PPM1N: variants seen among roughly 807,000 people sequenced by gnomAD.
PPM1N encodes protein phosphatase, Mg2+/Mn2+ dependent 1N (putative), also known as probable protein phosphatase 1N.
A neutral mutation model predicts 32.6 loss-of-function variants in PPM1N; 35 were observed. The observed-to-expected ratio is 1.07, with a 90% CI of 0.82 to 1.43. The LOEUF is 1.43. Among genes scored for constraint, PPM1N ranks in the 40% most tolerant of loss-of-function variants. PPM1N has a pLI of 0.00. For missense variants in PPM1N, 648 were observed against 606.6 expected (o/e 1.07, Z -0.72); for synonymous variants, 275 against 270.5 (o/e 1.02, Z -0.16).
At position 45,502,035 on chromosome 19, in the gene PPM1N, G is replaced by C; in HGVS notation, c.1243G>C (p.Gly415Arg). ...GTTACAGAAGGGGCAGGATGGGGCT[G>C]GGAAGTCCAACCCCACGCATTTGGG... Reference protein sequence around the residue: ...ECGEKGQDGAGKSNPTHLGSA... With the variant: ...ECGEKGQDGARKSNPTHLGSA... Residue 415 changes from glycine to arginine, a missense_variant, in exon 5 of 5, where the codon GGG (glycine) becomes CGG (arginine). Physicochemically the swap from Gly to Arg is moderately radical, Grantham distance 125 (BLOSUM62 -2). Coordinates refer to ENST00000451287, the MANE Select transcript of PPM1N (RefSeq NM_001080401.2). 6.5e-7 allele frequency: 1 copy of C among 1,535,056 alleles called. No homozygotes were observed. Among genetic ancestry groups the C allele is most frequent in the Non-Finnish European group, 8.7e-7 (1 of 1,149,304 alleles).
Position 45,498,949 on chromosome 19 carries a change from A to G in PPM1N, c.477A>G (p.Glu159=). Residue 159 remains glutamate, a synonymous_variant, in exon 1 of 5, where the codon GAA becomes GAG. Coordinates refer to ENST00000451287, the MANE Select transcript of PPM1N (RefSeq NM_001080401.2). ...TGCGCTCCCTCTGGCCCCGCGTGGA[A>G]ACGGGCGGCTGCACGGCCGTGGTGT... ...ERLRSLWPRV[E]TGGCTAVVLL... The G allele has an allele frequency of 6.4e-7, 1 of 1,553,542 alleles. No homozygotes were observed. Among genetic ancestry groups the G allele is most frequent in the Non-Finnish European group, 8.6e-7 (1 of 1,158,980 alleles).
Position 45,502,024 on chromosome 19 carries a change from A to T in PPM1N, c.1232A>T (p.Gln411Leu). ...CCACATTTTGTGTTACAGAAGGGGC[A>T]GGATGGGGCTGGGAAGTCCAACCCC... The part of the protein sequence containing the change: ...QVSEECGEKG[Q>L]DGAGKSNPTH... The change falls in exon 5 of 5, where the codon CAG becomes CTG. Residue 411 changes from glutamine to leucine, a missense_variant. By Grantham distance (113) the Gln-to-Leu change is moderately radical. Transcript: ENST00000451287. 6.6e-7 allele frequency: 1 copy of T among 1,516,196 alleles called. No individual in the cohort carries two copies. 93.9% of individuals were successfully genotyped at this position (1,516,196 alleles called of 1,614,324 possible).
rs371589147 is a variant in PPM1N at position 45,499,006 on chromosome 19, G to A, written c.534G>A (p.Ala178=). The change falls in exon 1 of 5, where the codon GCG becomes GCA. Residue 178 remains alanine (A), a synonymous_variant. Coordinates refer to ENST00000451287, the MANE Select transcript of PPM1N (RefSeq NM_001080401.2). ...TCTCCCCGCGGTTTCTGTACCTGGC[G>A]CACTGCGGTGACTCCCGCGCGGTGC... is the stretch of plus-strand genomic sequence containing the variant. ...LLVSPRFLYL[A]HCGDSRAVLS... 1.1e-4 allele frequency: 171 copies of A among 1,561,920 alleles called. No homozygotes were observed. The African/African-American group carries it at 2.1e-3, about 19-fold the overall frequency.
chr19:45,499,146 GCT>G lies in PPM1N; in HGVS notation c.679_680del (p.Leu227GlyfsTer38), dbSNP rs1189097329. On this transcript the variant is annotated frameshift_variant, in exon 1 of 5. Coordinates refer to ENST00000451287, the MANE Select transcript of PPM1N (RefSeq NM_001080401.2). LOFTEE classifies it high-confidence loss of function. ...ACCATCCGCCGCCGCCGCGTCGAGG[GCT>G]CTCTGGCCGTGTCGCGAGCGTTGGG... is the stretch of plus-strand genomic sequence containing the variant. 1 of 1,522,178 alleles carries G rather than the reference GCT, an allele frequency of 6.6e-7. No individual in the cohort carries two copies. Among genetic ancestry groups the G allele is most frequent in the African/African-American group, 1.4e-5 (1 of 72,046 alleles). 94.3% of individuals were successfully genotyped at this position (1,522,178 alleles called of 1,614,324 possible).
chr19:45,500,823 T>G, intron 4 of PPM1N, 113 bp downstream of exon 4: 1 of 744,186 alleles, frequency 1.3e-6, no homozygotes, highest in South Asian at 1.7e-5. Context: ...GCCTGATATA[T>G]TTTATTCCTC....
At position 45,499,229 on chromosome 19, in the gene PPM1N, G is replaced by A; in HGVS notation, c.757G>A (p.Ala253Thr). ...GCCCCCCGAGCTACAGCTCGTTTCT[G>A]CGGAGCCAGAGGTGGCCGCACTGGC... ...GRPPELQLVS[A>T]EPEVAALARQ... The change falls in exon 1 of 5, where the codon GCG (alanine) becomes ACG (threonine). Residue 253 changes from alanine (A) to threonine (T), a missense_variant. Ala to Thr is a moderately conservative substitution (Grantham distance 58). Coordinates refer to ENST00000451287, the MANE Select transcript of PPM1N (RefSeq NM_001080401.2). 2 of 1,588,780 alleles carry A rather than the reference G, an allele frequency of 1.3e-6. No individual in the cohort carries two copies. The highest frequency in any genetic ancestry group is 1.7e-6 in the Non-Finnish European group (2 of 1,171,886).
Position 45,498,865 on chromosome 19 carries a change from C to G in PPM1N, c.393C>G (p.Ser131Arg). The change falls in exon 1 of 5, where the codon AGC becomes AGG. Residue 131 changes from serine (S) to arginine (R), a missense_variant. Transcript: ENST00000451287. ...TCCAGGAGCTGGGCCCGGAGCCTAG[C>G]GAGCCCGAGGGCGTGCGCGAGGCGC... ...HVLQELGPEPSEPEGVREALR... is the reference protein window; with the variant it reads ...HVLQELGPEPREPEGVREALR... 6.6e-7 allele frequency: 1 copy of G among 1,522,228 alleles called. No individual in the cohort carries two copies. The highest frequency in any genetic ancestry group is 8.7e-7 in the Non-Finnish European group (1 of 1,144,448). 94.3% of individuals were successfully genotyped at this position (1,522,228 alleles called of 1,614,324 possible). A position where few individuals can be genotyped will look rare whatever the true frequency, so the allele number is the denominator to read the frequency against.
intron 1 of PPM1N, chr19:45,499,680 G>A (rs1332957010): frequency 1.3e-6 from 2 of 1,548,164 alleles, no homozygotes; most frequent in Non-Finnish European, 1.7e-6. Flanking sequence ...TGGGTCGTAG[G>A]AGCCGGGCCG....
chr19:45,498,497 C>T lies in PPM1N; in HGVS notation c.25C>T (p.Gln9Ter). The change falls in exon 1 of 5, where the codon CAG becomes TAG. Residue 9 changes from glutamine (Q) to a stop codon, truncating the protein, a stop_gained. Transcript: ENST00000451287. LOFTEE classifies it high-confidence loss of function. MAVLARQLQRLLWTACKKK... is the reference protein window; with the variant it reads MAVLARQL Reference sequence around the variant, plus strand: ...GATGGCGGTCCTGGCCCGCCAGCTGCAGCGTCTCCTCTGGACCGCTTGCAA... The same window carrying T: ...GATGGCGGTCCTGGCCCGCCAGCTGTAGCGTCTCCTCTGGACCGCTTGCAA... 7.4e-7 allele frequency: 1 copy of T among 1,358,668 alleles called. No homozygotes were observed. Among genetic ancestry groups the T allele is most frequent in the Non-Finnish European group, 9.5e-7 (1 of 1,053,810 alleles). The allele number at this position is 1,358,668 out of a possible 1,614,324, so 84.2% of individuals were successfully genotyped here.
rs1968366131 is a variant in PPM1N, at chr19:45,499,222, C to T, written c.750C>T (p.Leu250=). Reference sequence around the variant, plus strand: ...CGGGGAGGCCCCCCGAGCTACAGCTCGTTTCTGCGGAGCCAGAGGTGGCCG... The same window carrying T: ...CGGGGAGGCCCCCCGAGCTACAGCTTGTTTCTGCGGAGCCAGAGGTGGCCG... ...EAPGRPPELQ[L]VSAEPEVAAL... Residue 250 remains leucine (L), a synonymous_variant, in exon 1 of 5, where the codon CTC becomes CTT. Transcript: ENST00000451287. 1.9e-6 allele frequency: 3 copies of T among 1,582,464 alleles called. No homozygotes were observed. The highest frequency in any genetic ancestry group is 2.6e-6 in the Non-Finnish European group (3 of 1,169,266).
chr19:45,499,562 G>T (rs1232097242), intron 1 of PPM1N, 151 bp downstream of exon 1: 1 of 1,550,116 alleles, frequency 6.5e-7, no homozygotes, highest in South Asian at 1.2e-5. Context: ...GCCTGAAGTG[G>T]GCAGGGCCAA....
In PPM1N at chr19:45,499,117, C is replaced by T. The variant is rs560768442; in HGVS notation, c.645C>T (p.Gly215=). The change falls in exon 1 of 5, where the codon GGC becomes GGT. Residue 215 remains glycine (G), a synonymous_variant. Coordinates refer to ENST00000451287, the MANE Select transcript of PPM1N (RefSeq NM_001080401.2). The part of the protein sequence containing the change: ...PRERERIHAA[G]GTIRRRRVEG... ...AACGCGAGCGCATCCACGCCGCTGG[C>T]GGCACCATCCGCCGCCGCCGCGTCG... is the stretch of plus-strand genomic sequence containing the variant. The T allele has an allele frequency of 4.6e-6, 7 of 1,518,074 alleles. No homozygotes were observed. Among genetic ancestry groups the T allele is most frequent in the African/African-American group, 2.8e-5 (2 of 72,038 alleles). 94.0% of individuals were successfully genotyped at this position (1,518,074 alleles called of 1,614,324 possible).
chr19:45,499,009 C>CT lies in PPM1N; in HGVS notation c.538dup (p.Cys180LeufsTer3). The CT allele has an allele frequency of 6.4e-7, 1 of 1,561,968 alleles. No individual in the cohort carries two copies. Among genetic ancestry groups the CT allele is most frequent in the Non-Finnish European group, 8.6e-7 (1 of 1,163,680 alleles). The stretch of plus-strand genomic sequence containing the variant: ...CCCCGCGGTTTCTGTACCTGGCGCA[C>CT]TGCGGTGACTCCCGCGCGGTGCTGA... On this transcript the variant is annotated frameshift_variant, in exon 1 of 5. Coordinates refer to ENST00000451287, the MANE Select transcript of PPM1N (RefSeq NM_001080401.2). LOFTEE classifies it high-confidence loss of function.
rs183551442 is a variant in PPM1N, at chr19:45,498,586, C to A, written c.114C>A (p.Ala38=). 592 of 1,458,300 alleles carry A rather than the reference C, an allele frequency of 4.1e-4. 3 individuals are homozygous for A. Among genetic ancestry groups the A allele is most frequent in the Non-Finnish European group, 1.2e-4 (133 of 1,110,358 alleles). 90.3% of individuals were successfully genotyped at this position (1,458,300 alleles called of 1,614,324 possible). The change falls in exon 1 of 5, where the codon GCC becomes GCA. Residue 38 remains alanine, a synonymous_variant. Coordinates refer to ENST00000451287, the MANE Select transcript of PPM1N (RefSeq NM_001080401.2). ...EEEEEEAGRR[A]PEGPRSLLTA... is the part of the protein sequence containing the mutation. ...AGGAGGAGGAGGCGGGGCGCAGGGCCCCCGAAGGGCCTCGGTCTCTGTTGA... is the reference window on the plus strand; with the variant it reads ...AGGAGGAGGAGGCGGGGCGCAGGGCACCCGAAGGGCCTCGGTCTCTGTTGA...
Position 45,498,603 on chromosome 19 carries a change from CT to C in PPM1N, c.132del (p.Leu45CysfsTer2). The C allele has an allele frequency of 6.9e-7, 1 of 1,447,982 alleles. No homozygotes were observed. The highest frequency in any genetic ancestry group is 9.0e-7 in the Non-Finnish European group (1 of 1,105,060). 89.7% of individuals were successfully genotyped at this position (1,447,982 alleles called of 1,614,324 possible). A position where few individuals can be genotyped will look rare whatever the true frequency, so the allele number is the denominator to read the frequency against. ...AGRRAPEGPR[S>X]LLTAPRRAQR... ...CGCAGGGCCCCCGAAGGGCCTCGGT[CT>C]CTGTTGACAGCGCCGCGCCGCGCCC... On this transcript the variant is annotated frameshift_variant, in exon 1 of 5. Transcript: ENST00000451287. LOFTEE classifies it high-confidence loss of function.
intron 1 of PPM1N, 141 bp from the exon 2 acceptor site, chr19:45,499,808 T>G (rs34138946): frequency 0.077 from 115,054 of 1,495,716 alleles, 5,454 homozygotes; most frequent in East Asian, 0.2. Flanking sequence ...TTGGTCCCAG[T>G]AAGAGAGGAT....
chr19:45,499,380 G>A lies in PPM1N; in HGVS notation c.908G>A (p.Cys303Tyr), dbSNP rs1018039420. The A allele has an allele frequency of 1.2e-6, 2 of 1,607,188 alleles. No homozygotes were observed. The highest frequency in any genetic ancestry group is 1.7e-6 in the Non-Finnish European group (2 of 1,177,420). Residue 303 changes from cysteine to tyrosine, a missense_variant, in exon 1 of 5, where the codon TGC (cysteine) becomes TAC (tyrosine). By Grantham distance (194) the Cys-to-Tyr change is radical. Transcript: ENST00000451287. ...TTGGGCCTGGCCCCAGAGCTTCTCT[G>A]CGCGCAGCTGTTGGACACGTGTCTG... The part of the protein sequence containing the change: ...LRLGLAPELL[C>Y]AQLLDTCLCK...
intron 4 of PPM1N, 43 bp downstream of exon 4, chr19:45,500,753 G>GGAC: frequency 6.8e-7 from 1 of 1,478,556 alleles, no homozygotes; most frequent in Admixed American, 2.0e-5. Context: ...AGGAGGGGAC[G>GGAC]CCCCCCCGCC....
chr19:45,499,268 G>C lies in PPM1N; in HGVS notation c.796G>C (p.Asp266His). ...GGCCGCACTGGCACGCCAGGCTGAG[G>C]ACGAGTTCATGCTCCTGGCCTCTGA... ...EVAALARQAE[D>H]EFMLLASDGV... The change falls in exon 1 of 5, where the codon GAC becomes CAC. Residue 266 changes from aspartate (D) to histidine (H), a missense_variant. Physicochemically the swap from Asp to His is moderately conservative, Grantham distance 81. Coordinates refer to ENST00000451287, the MANE Select transcript of PPM1N (RefSeq NM_001080401.2). 6.2e-7 allele frequency: 1 copy of C among 1,611,544 alleles called. No homozygotes were observed. The highest frequency in any genetic ancestry group is 8.5e-7 in the Non-Finnish European group (1 of 1,179,418).
Sources: gnomAD v4.1 joint callset for allele counts on GRCh38, gnomAD v4.1.1 for gene constraint, MANE v1.5 for transcripts, NCBI Gene and HGNC (gene_info 2026-07-23, HGNC 2026-07-21) for gene names.